ALPK1: variants seen among roughly 807,000 people sequenced by gnomAD.
ALPK1 encodes alpha kinase 1.
Under a neutral mutation model 120.6 loss-of-function variants are expected in ALPK1, and 110 were observed. The ratio of observed to expected loss-of-function variants is 0.91; its 90% confidence interval spans 0.78 to 1.07. The LOEUF (loss-of-function observed/expected upper bound fraction) is 1.07, where lower values mean the gene tolerates loss of function less well. Among genes scored for constraint, ALPK1 ranks in the 50% least tolerant of loss-of-function variants. The pLI is 0.00. For missense variants in ALPK1, 1,498 were observed against 1,483.9 expected (o/e 1.01, Z -0.16); for synonymous variants, 582 against 560.3 (o/e 1.04, Z -0.55).
At chr4:112,314,223 T>C (rs1416845408) in intron 1 of ALPK1, among the ~76,000 whole-genome samples, 1 of 152,126 alleles carries the variant, frequency 6.6e-6, no homozygotes, top group Non-Finnish European at 1.5e-5. Context: ...CCTGTGGAAG[T>C]CCTCGTCTGA....
At chr4:112,334,631 A>G (rs1394790328) in intron 2 of ALPK1, among the ~76,000 whole-genome samples, 1 of 152,124 alleles carries the variant, frequency 6.6e-6, no homozygotes, top group Non-Finnish European at 1.5e-5. Flanking sequence ...TAGTTCTTAT[A>G]TAGGAGTCTT....
At chr4:112,382,866 G>A in intron 4 of ALPK1, 1 of 278,708 alleles carries the variant, frequency 3.6e-6, no homozygotes, top group South Asian at 5.3e-5. Flanking sequence ...ATTCCTCACA[G>A]CATTTTAATT....
At chr4:112,423,080 T>C (rs568655096) in intron 5 of ALPK1, among the ~76,000 whole-genome samples, 2 of 152,304 alleles carry the variant, frequency 1.3e-5, no homozygotes, top group South Asian at 4.1e-4. Context: ...TGGTGTGGTC[T>C]TTTTTGGAAA....
intron 2 of ALPK1, among the ~76,000 whole-genome samples, chr4:112,320,962 G>T (rs56663684): frequency 0.083 from 12,208 of 147,062 alleles, 791 homozygotes; most frequent in Admixed American, 0.21. Flanking sequence ...AGTGGCGCGA[G>T]CTTGGATCAC....
intron 1 of ALPK1, among the ~76,000 whole-genome samples, chr4:112,311,115 A>G (rs1728384076): frequency 6.6e-6 from 1 of 152,180 alleles, no homozygotes; most frequent in East Asian, 1.9e-4. Flanking sequence ...GCTCACTTGG[A>G]AGCAGGAGAC....
rs1578581597 is a variant in ALPK1, at chr4:112,441,312, C to A, written c.*102C>A. 1 of 857,052 alleles carries A rather than the reference C, an allele frequency of 1.2e-6. No individual in the cohort carries two copies. The highest frequency in any genetic ancestry group is 2.0e-6 in the Non-Finnish European group (1 of 489,352). The allele number at this position is 857,052 out of a possible 1,614,324, so 53.1% of individuals were successfully genotyped here. On this transcript the variant is annotated 3_prime_UTR_variant, in exon 16 of 16. Coordinates refer to ENST00000650871, the MANE Select transcript of ALPK1 (RefSeq NM_025144.4). ...TTGATCAGTATCACTTTAAGTCCTG[C>A]ATTTAATTGGCAGCACAAGATCCTG...
At chr4:112,402,217 A>G (rs1732947000) in intron 4 of ALPK1, among the ~76,000 whole-genome samples, 1 of 152,062 alleles carries the variant, frequency 6.6e-6, no homozygotes, top group South Asian at 2.1e-4. Context: ...TTCCCTTTAC[A>G]CTGCTCCTGC....
rs149908389 is a variant in ALPK1 at position 112,431,423 on chromosome 4, T to C, written c.1876T>C (p.Ser626Pro). 1 of 1,614,116 alleles carries C rather than the reference T, an allele frequency of 6.2e-7. No individual in the cohort carries two copies. The highest frequency in any genetic ancestry group is 1.3e-5 in the African/African-American group (1 of 74,948). The change falls in exon 11 of 16, where the codon TCT (serine) becomes CCT (proline). Residue 626 changes from serine to proline, a missense_variant. Coordinates refer to ENST00000650871, the MANE Select transcript of ALPK1 (RefSeq NM_025144.4). Reference sequence around the variant, plus strand: ...GGACACTCAGTGTTCCACTGCCTTGTCTGAGGAGCTAGAGAATGACAGGGA... The same window carrying C: ...GGACACTCAGTGTTCCACTGCCTTGCCTGAGGAGCTAGAGAATGACAGGGA... ...LVDTQCSTAL[S>P]EELENDREGR...
Position 112,431,797 on chromosome 4 carries a change from T to G in ALPK1, c.2250T>G (p.Phe750Leu). Residue 750 changes from phenylalanine (F) to leucine (L), a missense_variant, in exon 11 of 16, where the codon TTT (phenylalanine) becomes TTG (leucine). Coordinates refer to ENST00000650871, the MANE Select transcript of ALPK1 (RefSeq NM_025144.4). ...KEEAFEIIVEFPETNCDVKDR... is the reference protein window; with the variant it reads ...KEEAFEIIVELPETNCDVKDR... ...AAGCCTTTGAAATAATTGTTGAGTT[T>G]CCAGAAACCAACTGCGATGTCAAAG... The G allele has an allele frequency of 1.2e-6, 2 of 1,614,140 alleles. No homozygotes were observed. Among genetic ancestry groups the G allele is most frequent in the Non-Finnish European group, 8.5e-7 (1 of 1,180,010 alleles).
intron 4 of ALPK1, among the ~76,000 whole-genome samples, chr4:112,409,377 C>T (rs1027296575): frequency 6.6e-6 from 1 of 152,016 alleles, no homozygotes; most frequent in African/African-American, 2.4e-5. Flanking sequence ...ATCAATAGTA[C>T]CTCTCTTCCT....
At chr4:112,340,025 C>T (rs1356402961) in intron 2 of ALPK1, among the ~76,000 whole-genome samples, 2 of 152,228 alleles carry the variant, frequency 1.3e-5, no homozygotes, top group Admixed American at 6.5e-5. Context: ...ATTTCGGCCT[C>T]CTTGTAATTC....
chr4:112,354,434 AT>A (rs1730505928), intron 2 of ALPK1, among the ~76,000 whole-genome samples: 1 of 151,550 alleles, frequency 6.6e-6, no homozygotes, highest in African/African-American at 2.4e-5. Flanking sequence ...TGTAAGGTCA[AT>A]TTTTCTTTTA....
At chr4:112,399,768 GC>G (rs2148740439) in intron 4 of ALPK1, among the ~76,000 whole-genome samples, 1 of 152,008 alleles carries the variant, frequency 6.6e-6, no homozygotes, top group South Asian at 2.1e-4. Context: ...CCCTCTACAG[GC>G]CCCGGTGTGT....
At chr4:112,345,299 T>C (rs1248029271) in intron 2 of ALPK1, among the ~76,000 whole-genome samples, 1 of 152,232 alleles carries the variant, frequency 6.6e-6, no homozygotes, top group Non-Finnish European at 1.5e-5. Flanking sequence ...AGTTCAGCTG[T>C]GATTTCTAAG....
In ALPK1 at chr4:112,399,629, G is replaced by A. The variant is rs143474538; in HGVS notation, c.277-12198G>A. On this transcript the variant is annotated intron_variant, in intron 4 of 15. Transcript: ENST00000650871. ...AAGTTCTGGGATACATGTACAGAAC[G>A]TGCAGGTTTGTTACATAGGTATACA... 1.2e-3 allele frequency among the ~76,000 whole-genome samples: 179 copies of A among 152,164 alleles called. 1 individual carries two copies. The East Asian group carries it at 0.03, about 25-fold the overall frequency.
intron 1 of ALPK1, among the ~76,000 whole-genome samples, chr4:112,301,387 G>A (rs1236593458): frequency 1.3e-5 from 2 of 152,104 alleles, no homozygotes; most frequent in South Asian, 2.1e-4. Context: ...GAGAAACTTG[G>A]TTTAGGCTTC....
chr4:112,376,615 T>C (rs1483377928), intron 2 of ALPK1, among the ~76,000 whole-genome samples: 3 of 152,250 alleles, frequency 2.0e-5, no homozygotes, highest in African/African-American at 4.8e-5. Flanking sequence ...AACCATTGGC[T>C]AGTAGAGCAC....
At chr4:112,417,120 T>C (rs1733779075) in intron 5 of ALPK1, among the ~76,000 whole-genome samples, 2 of 152,132 alleles carry the variant, frequency 1.3e-5, no homozygotes, top group African/African-American at 4.8e-5. Flanking sequence ...AAAATTGTCA[T>C]TCAAAAGTGA....
In ALPK1 at chr4:112,435,131, A is replaced by G; in HGVS notation, c.3035-17A>G. On this transcript the variant is annotated splice_polypyrimidine_tract_variant and intron_variant, in intron 11 of 15. Transcript: ENST00000650871. Reference sequence around the variant, plus strand: ...CCTTTTGAAAATAAGATTCATTTTCATCTTTTTTTTTCCCAGGTGCTCTTT... The same window carrying G: ...CCTTTTGAAAATAAGATTCATTTTCGTCTTTTTTTTTCCCAGGTGCTCTTT... The G allele has an allele frequency of 1.4e-5, 22 of 1,599,108 alleles. No homozygotes were observed. The highest frequency in any genetic ancestry group is 1.9e-5 in the Non-Finnish European group (22 of 1,175,358).
Sources: gnomAD v4.1 joint callset for allele counts (sites outside exome capture counted in the v4.1 genomes callset) on GRCh38, gnomAD v4.1.1 for gene constraint, MANE v1.5 for transcripts, NCBI Gene and HGNC (gene_info 2026-07-23, HGNC 2026-07-21) for gene names.